The following FHIT variants were observed in gnomAD, a reference collection of about 807,000 sequenced individuals.
FHIT encodes the protein bis(5'-adenosyl)-triphosphatase.
Under a neutral mutation model 17.9 loss-of-function variants are expected in FHIT, and 19 were observed. The ratio of observed to expected loss-of-function variants is 1.06; its 90% CI spans 0.74 to 1.56. The LOEUF (loss-of-function observed/expected upper bound fraction) is 1.56. Among genes scored for constraint, FHIT ranks in the 40% most tolerant of loss-of-function variants. FHIT has a pLI of 0.00. For synonymous variants in FHIT, 81 were observed against 69.7 expected, an observed-to-expected ratio of 1.16 and a Z score of -0.81; for missense variants, 248 against 189.2, an observed-to-expected ratio of 1.31 and a Z score of -1.82.
intron 4 of FHIT, among the ~76,000 whole-genome samples, chr3:60,585,957 A>G (rs901110325): frequency 2.0e-5 from 3 of 152,010 alleles, no homozygotes; most frequent in Non-Finnish European, 4.4e-5. Context: ...CAAGTAGGGC[A>G]TTAGAACATA....
At chr3:60,090,384 G>C (rs1703679196) in intron 5 of FHIT, among the ~76,000 whole-genome samples, 1 of 152,164 alleles carries the variant, frequency 6.6e-6, no homozygotes, top group South Asian at 2.1e-4. Context: ...GAGTTCAAAA[G>C]TCGGTAATGA....
intron 5 of FHIT, among the ~76,000 whole-genome samples, chr3:60,423,876 C>T (rs910829700): frequency 6.6e-6 from 1 of 152,062 alleles, no homozygotes; most frequent in Non-Finnish European, 1.5e-5. Context: ...TTCCTAATAC[C>T]ATAACAAAAT....
At chr3:60,178,447 G>A (rs1701780443) in intron 5 of FHIT, among the ~76,000 whole-genome samples, 1 of 152,006 alleles carries the variant, frequency 6.6e-6, no homozygotes, top group African/African-American at 2.4e-5. Context: ...TTACCTGGGT[G>A]TTGTGGCGCA....
chr3:59,819,776 A>C (rs1700725790), intron 8 of FHIT, among the ~76,000 whole-genome samples: 1 of 152,166 alleles, frequency 6.6e-6, no homozygotes, highest in Non-Finnish European at 1.5e-5. Flanking sequence ...ATCTCTTCAA[A>C]ATTCATGTTG....
At chr3:60,122,404 A>G (rs73097509) in intron 5 of FHIT, among the ~76,000 whole-genome samples, 113 of 152,292 alleles carry the variant, frequency 7.4e-4, no homozygotes, top group Non-Finnish European at 1.2e-3. Flanking sequence ...ACTAGGAATC[A>G]GAAAGACTGG....
chr3:60,672,332 T>G (rs2040525875), intron 4 of FHIT, among the ~76,000 whole-genome samples: 1 of 150,426 alleles, frequency 6.6e-6, no homozygotes, highest in Non-Finnish European at 1.5e-5. Context: ...GTGGGGCCAT[T>G]TTATAGGATT....
chr3:59,835,443 C>T (rs893809102), intron 8 of FHIT, among the ~76,000 whole-genome samples: 7 of 152,118 alleles, frequency 4.6e-5, no homozygotes, highest in Non-Finnish European at 1.0e-4. Flanking sequence ...ACCATTTCTA[C>T]TATACTGCAA....
intron 5 of FHIT, among the ~76,000 whole-genome samples, chr3:60,093,234 C>T (rs1048814111): frequency 1.1e-4 from 16 of 152,170 alleles, no homozygotes; most frequent in African/African-American, 3.6e-4. Flanking sequence ...GCAGAGGTGA[C>T]TTCCTTTCCA....
At chr3:59,829,757 T>G (rs1420068892) in intron 8 of FHIT, among the ~76,000 whole-genome samples, 1 of 152,152 alleles carries the variant, frequency 6.6e-6, no homozygotes, top group Non-Finnish European at 1.5e-5. Flanking sequence ...TCTCTCTTAT[T>G]CTGTCTCAGT....
chr3:60,672,390 T>G (rs62251499), intron 4 of FHIT, among the ~76,000 whole-genome samples: 9,000 of 150,140 alleles, frequency 0.06, 366 homozygotes, highest in African/African-American at 0.11. Context: ...GTTCTCTGGC[T>G]GGCAGGAGTG....
chr3:59,909,577 G>A (rs370798741), intron 8 of FHIT, among the ~76,000 whole-genome samples: 6 of 152,100 alleles, frequency 3.9e-5, no homozygotes, highest in Non-Finnish European at 7.3e-5. Flanking sequence ...TGATCCGTCC[G>A]CCTCTATCCC....
At chr3:61,115,277 G>A (rs2036268324) in intron 2 of FHIT, among the ~76,000 whole-genome samples, 1 of 152,140 alleles carries the variant, frequency 6.6e-6, no homozygotes, top group South Asian at 2.1e-4. Context: ...GACTGGAAGA[G>A]AAAATGCCAA....
At chr3:61,086,682 TC>T (rs2035316346) in intron 2 of FHIT, among the ~76,000 whole-genome samples, 4 of 152,114 alleles carry the variant, frequency 2.6e-5, no homozygotes, top group Admixed American at 2.6e-4. Flanking sequence ...TTCAATACCT[TC>T]AAACAAATAT....
chr3:59,777,151 G>A (rs145650526), intron 8 of FHIT, among the ~76,000 whole-genome samples: 54 of 152,234 alleles, frequency 3.5e-4, no homozygotes, highest in African/African-American at 1.3e-3. Context: ...CCTTCGAAAT[G>A]TCAGGGTGGC....
intron 4 of FHIT, among the ~76,000 whole-genome samples, chr3:60,772,983 C>G (rs1331699707): frequency 6.6e-6 from 1 of 152,140 alleles, no homozygotes; most frequent in Non-Finnish European, 1.5e-5. Flanking sequence ...CCCAAACTAC[C>G]TTTGAAAAGC....
intron 5 of FHIT, among the ~76,000 whole-genome samples, chr3:60,176,202 A>C (rs1472023077): frequency 6.6e-6 from 1 of 152,108 alleles, no homozygotes; most frequent in Non-Finnish European, 1.5e-5. Context: ...AAATACAAAA[A>C]TTAGCCGGGC....
rs539892239 is a variant in FHIT, at chr3:60,298,270, G to A, written c.103+238590C>T. Among the ~76,000 whole-genome samples, 93 of 152,128 alleles carry A rather than the reference G, an allele frequency of 6.1e-4. 4 individuals carry two copies. In the South Asian group the frequency reaches 0.018, roughly 30 times the overall value. ...CTTCAGACCCTCTCCCCTCCCTAGA[G>A]TCAGGAGATAAGGCTCAAAGTTCTG... is the stretch of plus-strand genomic sequence containing the variant. On this transcript the variant is annotated intron_variant, in intron 5 of 9. Coordinates refer to ENST00000492590, the MANE Select transcript of FHIT (RefSeq NM_002012.4).
chr3:60,922,086 C>G (rs1553768534), intron 3 of FHIT, among the ~76,000 whole-genome samples: 1 of 152,126 alleles, frequency 6.6e-6, no homozygotes, highest in African/African-American at 2.4e-5. Flanking sequence ...AAAAGAGAGT[C>G]TAGAAAGGTG....
At chr3:60,859,287 G>A (rs1407833727) in intron 3 of FHIT, among the ~76,000 whole-genome samples, 2 of 152,098 alleles carry the variant, frequency 1.3e-5, no homozygotes, top group African/African-American at 2.4e-5. Flanking sequence ...TTGAGTCTCA[G>A]CTATATCAGG....
Sources: allele counts gnomAD v4.1 joint callset (sites outside exome capture counted in the v4.1 genomes callset), GRCh38; gene constraint gnomAD v4.1.1; transcripts MANE v1.5; gene names NCBI Gene and HGNC (gene_info 2026-07-23, HGNC 2026-07-21).